Variants in ZNF106 observed in about 807,000 individuals in gnomAD.
ZNF106 encodes the protein SH3-domain binding protein 3.
In ZNF106, 67 loss-of-function variants were observed where a neutral mutation model predicts 195.1. That is an observed-to-expected ratio of 0.34 (90% CI 0.28 to 0.42). The LOEUF (loss-of-function observed/expected upper bound fraction) is 0.42, where lower values mean the gene tolerates loss of function less well. ZNF106 is among the 10% of genes least tolerant of loss of function. The pLI is 1.00. For missense variants in ZNF106, 2,118 were observed against 2,304.5 expected (o/e 0.92, Z 1.66); for synonymous variants, 784 against 818.6 (o/e 0.96, Z 0.72).
rs750225052 is a variant in ZNF106, at chr15:42,417,925, G to A, written c.5544C>T (p.Gly1848=). 5.6e-6 allele frequency: 9 copies of A among 1,613,590 alleles called. No individual in the cohort carries two copies. Among genetic ancestry groups the A allele is most frequent in the Middle Eastern group, 3.3e-4 (2 of 6,062 alleles). ...AGTGTTGTTTTAAATGATCTACAAC[G>A]CCAAATATCAGAGAGCAACCATGCC... ...CWWHGCSLIF[G]VVDHLKQHLL... Residue 1848 remains glycine, a synonymous_variant, in exon 21 of 22, where the codon GGC becomes GGT. Transcript: ENST00000564754.
intron 3 of ZNF106, among the ~76,000 whole-genome samples, chr15:42,465,661 C>T (rs1409675589): frequency 6.6e-6 from 1 of 152,200 alleles, no homozygotes; most frequent in African/African-American, 2.4e-5. Context: ...CTTTGGATGT[C>T]TCAGACAATT....
chr15:42,451,909 G>A lies in ZNF106; in HGVS notation c.363C>T (p.Asp121=). Residue 121 remains aspartate (D), a synonymous_variant, in exon 5 of 22, where the codon GAC becomes GAT. Coordinates refer to ENST00000564754, the MANE Select transcript of ZNF106 (RefSeq NM_001366845.3). Reference sequence around the variant, plus strand: ...CTTCTCGTCTCCATTGGGGTCGTCTGTCATCAGAGTTTATTTCTTGGTTGC... The same window carrying A: ...CTTCTCGTCTCCATTGGGGTCGTCTATCATCAGAGTTTATTTCTTGGTTGC... ...SNSNQEINSD[D]RRPQWRREDR... is the part of the protein sequence containing the mutation. The A allele has an allele frequency of 1.9e-6, 3 of 1,613,348 alleles. No individual in the cohort carries two copies. The highest frequency in any genetic ancestry group is 2.5e-6 in the Non-Finnish European group (3 of 1,179,780).
intron 18 of ZNF106, 84 bp downstream of exon 18, chr15:42,422,417 C>A: frequency 6.6e-7 from 1 of 1,516,820 alleles, no homozygotes; most frequent in Non-Finnish European, 8.9e-7. Context: ...TTCCATCCCA[C>A]CTTACTGTAT....
chr15:42,470,999 A>C (rs979728348), intron 2 of ZNF106, among the ~76,000 whole-genome samples: 4 of 152,254 alleles, frequency 2.6e-5, no homozygotes, highest in African/African-American at 7.2e-5. Flanking sequence ...TTGGTGGATC[A>C]TAATCGACCC....
At chr15:42,459,436 A>T (rs1292348945) in intron 3 of ZNF106, among the ~76,000 whole-genome samples, 1 of 152,134 alleles carries the variant, frequency 6.6e-6, no homozygotes, top group African/African-American at 2.4e-5. Flanking sequence ...AGATCGCACC[A>T]CTGCACTCCA....
chr15:42,423,134 G>A (rs150227123), intron 17 of ZNF106, among the ~76,000 whole-genome samples: 19 of 151,992 alleles, frequency 1.3e-4, no homozygotes, highest in East Asian at 5.9e-4. Flanking sequence ...TTGGGAGGCC[G>A]AGCTGGGCAG....
chr15:42,450,602 G>A lies in ZNF106; in HGVS notation c.1670C>T (p.Thr557Ile). Reference sequence around the variant, plus strand: ...TAGCACCTCTTTGGCCTTTCGTAAAGTATCATTTAAATTATCACCAGATTG... The same window carrying A: ...TAGCACCTCTTTGGCCTTTCGTAAAATATCATTTAAATTATCACCAGATTG... ...QKQSGDNLND[T>I]LRKAKEVLQC... Residue 557 changes from threonine to isoleucine, a missense_variant, in exon 5 of 22, where the codon ACT (threonine) becomes ATT (isoleucine). Physicochemically the swap from Thr to Ile is moderately conservative, Grantham distance 89. Transcript: ENST00000564754. 1 of 1,614,150 alleles carries A rather than the reference G, an allele frequency of 6.2e-7. No homozygotes were observed.
intron 1 of ZNF106, among the ~76,000 whole-genome samples, chr15:42,480,800 C>G (rs1040714873): frequency 2.0e-5 from 3 of 152,118 alleles, no homozygotes; most frequent in African/African-American, 4.8e-5. Flanking sequence ...GCCTGGCCAA[C>G]AAGGTGAAAC....
intron 14 of ZNF106, among the ~76,000 whole-genome samples, chr15:42,430,961 T>C (rs539255667): frequency 6.6e-6 from 1 of 152,158 alleles, no homozygotes; most frequent in South Asian, 2.1e-4. Flanking sequence ...TCTAGTTTCT[T>C]GGATTTTAAA....
intron 1 of ZNF106, among the ~76,000 whole-genome samples, chr15:42,488,472 T>C (rs1470665913): frequency 1.3e-5 from 2 of 151,984 alleles, no homozygotes; most frequent in Non-Finnish European, 2.9e-5. Flanking sequence ...CACTCGACTG[T>C]AGAGTTTCCA....
chr15:42,450,404 T>C lies in ZNF106; in HGVS notation c.1868A>G (p.His623Arg). The change falls in exon 5 of 22, where the codon CAT becomes CGT. Residue 623 changes from histidine to arginine, a missense_variant. Coordinates refer to ENST00000564754, the MANE Select transcript of ZNF106 (RefSeq NM_001366845.3). ...ACCTAGGGTTCCAATTTTTGTTCCA[T>C]GCTTTTCCGTGTCAGATGTCTCTCC... ...SDGETSDTEK[H>R]GTKIGTLGSA... 1.2e-6 allele frequency: 2 copies of C among 1,614,218 alleles called. No homozygotes were observed. Among genetic ancestry groups the C allele is most frequent in the Non-Finnish European group, 1.7e-6 (2 of 1,180,044 alleles).
rs2054424148 is a variant in ZNF106, at chr15:42,415,595, CAT to C, written c.*1707_*1708del. 2 of 418,114 alleles carry C rather than the reference CAT, an allele frequency of 4.8e-6. No individual in the cohort carries two copies. The highest frequency in any genetic ancestry group is 2.0e-5 in the African/African-American group (1 of 48,920). 25.9% of individuals were successfully genotyped at this position (418,114 alleles called of 1,614,324 possible). ...CCCTGCCCGATAGCCTGAGGGAAGA[CAT>C]GTGAGTGGATATATGTGCACTAACA... is the stretch of plus-strand genomic sequence containing the variant. On this transcript the variant is annotated 3_prime_UTR_variant, in exon 22 of 22. Transcript: ENST00000564754.
intron 3 of ZNF106, among the ~76,000 whole-genome samples, chr15:42,465,758 C>T (rs114927157): frequency 0.014 from 2,206 of 152,264 alleles, 54 homozygotes; most frequent in African/African-American, 0.051. Context: ...AAGGCTAGCA[C>T]GTAGGAATGA....
At chr15:42,469,773 G>C (rs895550234) in intron 2 of ZNF106, among the ~76,000 whole-genome samples, 5 of 151,792 alleles carry the variant, frequency 3.3e-5, no homozygotes, top group African/African-American at 1.2e-4. Context: ...GGGACACAGA[G>C]GTTGCAGTGA....
intron 5 of ZNF106, 27 bp from the exon 6 acceptor site, chr15:42,448,732 C>G: frequency 6.4e-7 from 1 of 1,564,782 alleles, no homozygotes; most frequent in Non-Finnish European, 8.6e-7. Flanking sequence ...AAAATGAAAA[C>G]ATAAATTGGA....
rs1158894651 is a variant in ZNF106, at chr15:42,446,654, C to T, written c.3140G>A (p.Gly1047Glu). The T allele has an allele frequency of 1.9e-6, 3 of 1,604,296 alleles. No homozygotes were observed. The highest frequency in any genetic ancestry group is 2.6e-6 in the Non-Finnish European group (3 of 1,174,026). Reference protein sequence around the residue: ...IRKKRRATGDGSSPELPSLER... With the variant: ...IRKKRRATGDESSPELPSLER... The stretch of plus-strand genomic sequence containing the variant: ...AAGACTTGGGAGTTCAGGAGAAGAT[C>T]CATCCTGGAAGGATAAAGAAAACTG... Residue 1047 changes from glycine (G) to glutamate (E), a missense_variant, in exon 7 of 22, where the codon GGA becomes GAA. By Grantham distance (98) the Gly-to-Glu change is moderately conservative (BLOSUM62 -2). Coordinates refer to ENST00000564754, the MANE Select transcript of ZNF106 (RefSeq NM_001366845.3).
chr15:42,442,550 C>G, intron 9 of ZNF106, 136 bp from the exon 10 acceptor site: 1 of 660,992 alleles, frequency 1.5e-6, no homozygotes, highest in Non-Finnish European at 2.5e-6. Flanking sequence ...TCATAATTCT[C>G]CGAAATATGG....
At chr15:42,464,946 ACT>A (rs750229889) in intron 3 of ZNF106, among the ~76,000 whole-genome samples, 7 of 152,054 alleles carry the variant, frequency 4.6e-5, no homozygotes, top group Non-Finnish European at 1.0e-4. Flanking sequence ...GTAAGATGTA[ACT>A]CTGCTCCTCA....
In ZNF106 at chr15:42,451,562, G is replaced by C. The variant is rs757185158; in HGVS notation, c.710C>G (p.Ser237Cys). 2 of 1,614,064 alleles carry C rather than the reference G, an allele frequency of 1.2e-6. No homozygotes were observed. Among genetic ancestry groups the C allele is most frequent in the East Asian group, 2.2e-5 (1 of 44,872 alleles). Residue 237 changes from serine (S) to cysteine (C), a missense_variant, in exon 5 of 22, where the codon TCC becomes TGC. Physicochemically the swap from Ser to Cys is moderately radical, Grantham distance 112 (BLOSUM62 -1). Coordinates refer to ENST00000564754, the MANE Select transcript of ZNF106 (RefSeq NM_001366845.3). The stretch of plus-strand genomic sequence containing the variant: ...GTTACTGTTGTTCATATGCCAACTG[G>C]AAAAGCCACCTGTTCCTTCAGAAAG... ...SWLSEGTGGFSSWHMNNSNGN... is the reference protein window; with the variant it reads ...SWLSEGTGGFCSWHMNNSNGN...
Sources: gnomAD v4.1 joint callset for allele counts (sites outside exome capture counted in the v4.1 genomes callset) on GRCh38, gnomAD v4.1.1 for gene constraint, MANE v1.5 for transcripts, NCBI Gene and HGNC (gene_info 2026-07-23, HGNC 2026-07-21) for gene names.